Variants in PAWR observed in about 807,000 individuals in gnomAD.
PAWR encodes the protein PRKC apoptosis WT1 regulator protein.
In PAWR, 23 loss-of-function variants were observed where a neutral mutation model predicts 32.0. That is an observed-to-expected ratio of 0.72 (90% confidence interval 0.52 to 1.02). PAWR has a LOEUF of 1.02. PAWR is among the 50% of genes least tolerant of loss of function. The probability of loss-of-function intolerance (pLI) is 0.00; values close to 1 mark genes in which losing one functional copy is unlikely to be tolerated. For missense variants in PAWR, 457 were observed against 437.7 expected (o/e 1.04, Z -0.39); for synonymous variants, 226 against 187.1 (o/e 1.21, Z -1.70).
At position 79,613,626 on chromosome 12, in the gene PAWR, A is replaced by G; in HGVS notation, c.649-17T>C. ...AGGTGGCTCCTGCAAAGTAAAAATA[A>G]TTATGTATCAGTTTGAGTATGTATG... is the stretch of plus-strand genomic sequence containing the variant. On this transcript the variant is annotated splice_polypyrimidine_tract_variant and intron_variant, in intron 3 of 6. Coordinates refer to ENST00000328827, the MANE Select transcript of PAWR (RefSeq NM_002583.4). 1 of 1,468,428 alleles carries G rather than the reference A, an allele frequency of 6.8e-7. No homozygotes were observed. Among genetic ancestry groups the G allele is most frequent in the Non-Finnish European group, 9.5e-7 (1 of 1,054,096 alleles). The allele number at this position is 1,468,428 out of a possible 1,614,324, so 91.0% of individuals were successfully genotyped here. A position where few individuals can be genotyped will look rare whatever the true frequency, so the allele number is the denominator to read the frequency against.
At chr12:79,682,338 G>A (rs1322482117) in intron 2 of PAWR, among the ~76,000 whole-genome samples, 7 of 152,070 alleles carry the variant, frequency 4.6e-5, no homozygotes, top group Non-Finnish European at 1.5e-5. Context: ...ATTATGAAGA[G>A]CCTGAAAACA....
rs1401864997 is a variant in PAWR, at chr12:79,592,600, G to T, written c.*7C>A. The T allele has an allele frequency of 4.0e-6, 3 of 755,760 alleles. No homozygotes were observed. Among genetic ancestry groups the T allele is most frequent in the Non-Finnish European group, 7.3e-6 (3 of 412,602 alleles). The allele number at this position is 755,760 out of a possible 1,614,324, so 46.8% of individuals were successfully genotyped here. On this transcript the variant is annotated 3_prime_UTR_variant, in exon 7 of 7. Coordinates refer to ENST00000328827, the MANE Select transcript of PAWR (RefSeq NM_002583.4). The stretch of plus-strand genomic sequence containing the variant: ...AAATATTTTTTCCACATTGAGTCTT[G>T]AATCCTCTACCTGGTCAGCTGACCC...
At chr12:79,612,422 A>C (rs1566001828) in intron 4 of PAWR, among the ~76,000 whole-genome samples, 1 of 152,172 alleles carries the variant, frequency 6.6e-6, no homozygotes, top group Non-Finnish European at 1.5e-5. Context: ...AAACAGCTGA[A>C]ATATTTTAAA....
At chr12:79,643,835 C>G (rs1279011941) in intron 2 of PAWR, among the ~76,000 whole-genome samples, 1 of 151,934 alleles carries the variant, frequency 6.6e-6, no homozygotes, top group African/African-American at 2.4e-5. Context: ...TTTTACATAG[C>G]AAAAATAAAA....
chr12:79,686,967 A>T (rs1489213266), intron 2 of PAWR, among the ~76,000 whole-genome samples: 1 of 152,218 alleles, frequency 6.6e-6, no homozygotes, highest in African/African-American at 2.4e-5. Context: ...CTGCTTAAGG[A>T]TAGTGTCTTT....
chr12:79,630,144 G>C (rs1436540142), intron 2 of PAWR, among the ~76,000 whole-genome samples: 1 of 151,776 alleles, frequency 6.6e-6, no homozygotes, highest in Non-Finnish European at 1.5e-5. Context: ...AAAAAATAAT[G>C]AAACCAAAAG....
At position 79,631,742 on chromosome 12, in the gene PAWR, T is replaced by C. The variant is rs78214468; in HGVS notation, c.517-10535A>G. ...ACATAAATTCAAGGCAATCCTAAAATCAAAATCCTAACAGTTTTTGTAGAA... is the reference window on the plus strand; with the variant it reads ...ACATAAATTCAAGGCAATCCTAAAACCAAAATCCTAACAGTTTTTGTAGAA... On this transcript the variant is annotated intron_variant, in intron 2 of 6. Transcript: ENST00000328827. 6.5e-3 allele frequency among the ~76,000 whole-genome samples: 989 copies of C among 152,196 alleles called. 10 individuals are homozygous for C. Among genetic ancestry groups the C allele is most frequent in the African/African-American group, 0.019 (808 of 41,518 alleles).
At chr12:79,641,466 T>C (rs1876316979) in intron 2 of PAWR, among the ~76,000 whole-genome samples, 1 of 152,336 alleles carries the variant, frequency 6.6e-6, no homozygotes, top group East Asian at 1.9e-4. Context: ...TACTGTTTTA[T>C]GACAATTAGC....
chr12:79,676,354 A>G (rs1366822172), intron 2 of PAWR, among the ~76,000 whole-genome samples: 2 of 152,178 alleles, frequency 1.3e-5, no homozygotes, highest in Admixed American at 1.3e-4. Flanking sequence ...TTCTGATTTA[A>G]TCAATCTTTC....
intron 2 of PAWR, among the ~76,000 whole-genome samples, chr12:79,671,971 G>A (rs1338751954): frequency 6.6e-6 from 1 of 152,196 alleles, no homozygotes; most frequent in Non-Finnish European, 1.5e-5. Context: ...GCAGTGAAAA[G>A]TATTGTTAGT....
At chr12:79,628,688 G>GT (rs1251747290) in intron 2 of PAWR, among the ~76,000 whole-genome samples, 1 of 152,054 alleles carries the variant, frequency 6.6e-6, no homozygotes, top group Admixed American at 6.6e-5. Context: ...GCAAGAAAAT[G>GT]TGGAACCACT....
intron 6 of PAWR, among the ~76,000 whole-genome samples, chr12:79,593,700 G>GATTTTTTTTTTTTTTTTTTTTTTTT (rs1278954828): frequency 6.9e-6 from 1 of 145,254 alleles, no homozygotes; most frequent in African/African-American, 2.5e-5. Context: ...CCAATTTTAG[G>GATTTTTTTTTTTTTTTTTTTTTTTT]GTTTTTTTTT....
chr12:79,628,346 C>A lies in PAWR; in HGVS notation c.517-7139G>T, dbSNP rs1159431161. 1.4e-4 allele frequency among the ~76,000 whole-genome samples: 22 copies of A among 151,980 alleles called. 1 individual carries two copies. The highest frequency in any genetic ancestry group is 1.4e-3 in the Admixed American group (21 of 15,256). Reference sequence around the variant, plus strand: ...GTAAATTTATAGCACTAAATGCCCACAAGAGAAAGCAGGAAAGATCTAAAA... The same window carrying A: ...GTAAATTTATAGCACTAAATGCCCAAAAGAGAAAGCAGGAAAGATCTAAAA... On this transcript the variant is annotated intron_variant, in intron 2 of 6. Coordinates refer to ENST00000328827, the MANE Select transcript of PAWR (RefSeq NM_002583.4).
Position 79,587,553 on chromosome 12 carries a change from A to C in PAWR, c.*5054T>G, listed in dbSNP as rs1487982729. 2.0e-5 allele frequency: 3 copies of C among 151,990 alleles called. No individual in the cohort carries two copies. Among genetic ancestry groups the C allele is most frequent in the African/African-American group, 7.2e-5 (3 of 41,438 alleles). The allele number at this position is 151,990 out of a possible 1,614,324, so 9.4% of individuals were successfully genotyped here. A position where few individuals can be genotyped will look rare whatever the true frequency, so the allele number is the denominator to read the frequency against. Reference sequence around the variant, plus strand: ...TTTCAGTCAGGCTGAACTTTTGTGCACTTCCTCATTTATTCGAGAAACCCC... The same window carrying C: ...TTTCAGTCAGGCTGAACTTTTGTGCCCTTCCTCATTTATTCGAGAAACCCC... On this transcript the variant is annotated 3_prime_UTR_variant, in exon 7 of 7. Coordinates refer to ENST00000328827, the MANE Select transcript of PAWR (RefSeq NM_002583.4).
chr12:79,652,231 CG>C (rs1487371226), intron 2 of PAWR, among the ~76,000 whole-genome samples: 1 of 151,814 alleles, frequency 6.6e-6, no homozygotes, highest in African/African-American at 2.4e-5. Context: ...TAAAATGGTT[CG>C]ATGCTAAGTT....
Position 79,618,478 on chromosome 12 carries a change from G to A in PAWR, c.648+2598C>T, listed in dbSNP as rs1004952512. Among the ~76,000 whole-genome samples, 13 of 152,176 alleles carry A rather than the reference G, an allele frequency of 8.5e-5. 1 individual carries two copies. The South Asian group carries it at 2.1e-3, about 24-fold the overall frequency. On this transcript the variant is annotated intron_variant, in intron 3 of 6. Transcript: ENST00000328827. ...CATTTAAAATACTCTTAGCTATTTTGAAATATACATTATTATGAACTATAA... is the reference window on the plus strand; with the variant it reads ...CATTTAAAATACTCTTAGCTATTTTAAAATATACATTATTATGAACTATAA...
chr12:79,632,224 T>C (rs1476758673), intron 2 of PAWR: 2 of 137,122 alleles, frequency 1.5e-5, no homozygotes, highest in Non-Finnish European at 3.1e-5. Context: ...GTGAGAGTAA[T>C]CAAGAGTGTG....
In PAWR at chr12:79,689,146, G is replaced by A. The variant is rs148457939; in HGVS notation, c.516+583C>T. Among the ~76,000 whole-genome samples, 94 of 152,270 alleles carry A rather than the reference G, an allele frequency of 6.2e-4. 1 individual carries two copies. The highest frequency in any genetic ancestry group is 2.1e-3 in the African/African-American group (89 of 41,558). On this transcript the variant is annotated intron_variant, in intron 2 of 6. Coordinates refer to ENST00000328827, the MANE Select transcript of PAWR (RefSeq NM_002583.4). Reference sequence around the variant, plus strand: ...CCTAAGTATCACTCAGAAAAACACTGTGTGTTTAGGAGCACAACTTATAAA... The same window carrying A: ...CCTAAGTATCACTCAGAAAAACACTATGTGTTTAGGAGCACAACTTATAAA...
intron 2 of PAWR, among the ~76,000 whole-genome samples, chr12:79,633,304 A>T (rs1165037904): frequency 6.6e-6 from 1 of 152,164 alleles, no homozygotes; most frequent in Non-Finnish European, 1.5e-5. Context: ...GAACACAATT[A>T]AAAAAACAAC....
Sources: gnomAD v4.1 joint callset for allele counts (sites outside exome capture counted in the v4.1 genomes callset) on GRCh38, gnomAD v4.1.1 for gene constraint, MANE v1.5 for transcripts, NCBI Gene and HGNC (gene_info 2026-07-23, HGNC 2026-07-21) for gene names.